SORCS3: variants seen among roughly 807,000 people sequenced by gnomAD.
SORCS3 encodes sortilin related VPS10 domain containing receptor 3.
A neutral mutation model predicts 146.3 loss-of-function variants in SORCS3; 57 were observed. That is an observed-to-expected ratio of 0.39 (90% CI 0.31 to 0.49). The LOEUF is 0.49. SORCS3 is among the 20% of genes least tolerant of loss of function. The pLI, the probability that SORCS3 is intolerant of heterozygous loss-of-function variation, is 0.92. For synonymous variants in SORCS3, 653 were observed against 618.5 expected (o/e 1.06, Z -0.83); for missense variants, 1,341 against 1,575.5 (o/e 0.85, Z 2.52).
intron 15 of SORCS3, 86 bp from the exon 16 acceptor site, chr10:105,201,032 GAA>G: frequency 1.4e-6 from 2 of 1,432,546 alleles, no homozygotes; most frequent in Non-Finnish European, 9.5e-7. Flanking sequence ...AAATGAGAAT[GAA>G]CAGGCTAATG....
chr10:104,732,839 T>C (rs1034977899), intron 1 of SORCS3, among the ~76,000 whole-genome samples: 1 of 151,994 alleles, frequency 6.6e-6, no homozygotes. Flanking sequence ...TAGCCTGGTG[T>C]ATGTAGAATG....
rs1226791300 is a variant in SORCS3 at position 105,242,861 on chromosome 10, ATATATTTTTATATATAAATTATAT to A, written c.2869-2680_2869-2657del. On this transcript the variant is annotated intron_variant, in intron 20 of 26. Coordinates refer to ENST00000369701, the MANE Select transcript of SORCS3 (RefSeq NM_014978.3). ...ATATATTTTTATATATAAATTATAT[ATATATTTTTATATATAAATTATAT>A]ATAATATATGATATATAAATTATAT... Among the ~76,000 whole-genome samples, 5 of 103,576 alleles carry A rather than the reference ATATATTTTTATATATAAATTATAT, an allele frequency of 4.8e-5. No individual in the cohort carries two copies. The East Asian group carries it at 1.3e-3, about 27-fold the overall frequency. 67.9% of individuals were successfully genotyped at this position (103,576 alleles called of 152,430 possible).
At position 104,918,639 on chromosome 10, in the gene SORCS3, C is replaced by A. The variant is rs540046663; in HGVS notation, c.795+2707C>A. Among the ~76,000 whole-genome samples, 100 of 152,278 alleles carry A rather than the reference C, an allele frequency of 6.6e-4. No individual in the cohort carries two copies. The Middle Eastern group carries it at 0.01, about 16-fold the overall frequency. ...CCCAGCCAACTCAACAGGTTAGGAG[C>A]AGCCTTGTCAGTTGGTCTGATGACT... On this transcript the variant is annotated intron_variant, in intron 3 of 26. Transcript: ENST00000369701.
At chr10:104,965,959 A>G (rs1360579621) in intron 3 of SORCS3, among the ~76,000 whole-genome samples, 1 of 152,080 alleles carries the variant, frequency 6.6e-6, no homozygotes, top group Non-Finnish European at 1.5e-5. Flanking sequence ...CATAGGTGAG[A>G]CAGGATATGT....
At chr10:104,823,725 T>C (rs1395304051) in intron 1 of SORCS3, among the ~76,000 whole-genome samples, 1 of 152,182 alleles carries the variant, frequency 6.6e-6, no homozygotes. Flanking sequence ...AATAGTGGCC[T>C]CCCAAAGATA....
chr10:105,106,476 A>G (rs529450279), intron 7 of SORCS3, among the ~76,000 whole-genome samples: 5 of 152,278 alleles, frequency 3.3e-5, no homozygotes, highest in South Asian at 2.1e-4. Context: ...CAGGCTATCA[A>G]TGGATTTGTC....
chr10:104,839,867 A>G (rs1020584782), intron 1 of SORCS3, among the ~76,000 whole-genome samples: 22 of 152,186 alleles, frequency 1.4e-4, no homozygotes, highest in African/African-American at 5.3e-4. Context: ...TAAGATGGAC[A>G]TCTGACCCCC....
rs963408225 is a variant in SORCS3, at chr10:104,898,350, G to A, written c.696-17483G>A. ...AGTTATAGGCACTGCATGAATATTT[G>A]GAAAATGAATGAAGAATAGGGACTC... On this transcript the variant is annotated intron_variant, in intron 2 of 26. Coordinates refer to ENST00000369701, the MANE Select transcript of SORCS3 (RefSeq NM_014978.3). 4.6e-5 allele frequency among the ~76,000 whole-genome samples: 7 copies of A among 152,274 alleles called. No homozygotes were observed. In the Middle Eastern group the frequency reaches 0.01, roughly 222 times the overall value.
intron 14 of SORCS3, among the ~76,000 whole-genome samples, chr10:105,197,777 A>G (rs564060743): frequency 6.6e-6 from 1 of 152,274 alleles, no homozygotes; most frequent in Non-Finnish European, 1.5e-5. Context: ...ACCTTATTAA[A>G]TTAAGCCTGT....
At chr10:104,914,558 C>T (rs2019005113) in intron 2 of SORCS3, among the ~76,000 whole-genome samples, 1 of 152,116 alleles carries the variant, frequency 6.6e-6, no homozygotes, top group Non-Finnish European at 1.5e-5. Context: ...ATTTGAGGCA[C>T]AAGCCATCGG....
chr10:105,003,209 T>C (rs1403959832), intron 4 of SORCS3, among the ~76,000 whole-genome samples: 1 of 152,214 alleles, frequency 6.6e-6, no homozygotes, highest in African/African-American at 2.4e-5. Context: ...GAGTGAAAGC[T>C]GAGGAAATGT....
intron 1 of SORCS3, among the ~76,000 whole-genome samples, chr10:104,823,061 G>A (rs980789475): frequency 7.2e-5 from 11 of 152,168 alleles, no homozygotes; most frequent in Non-Finnish European, 1.3e-4. Context: ...AGACATGGGG[G>A]TGAGGCTAGG....
intron 13 of SORCS3, among the ~76,000 whole-genome samples, chr10:105,177,785 G>A (rs1287719239): frequency 3.3e-5 from 5 of 152,002 alleles, no homozygotes; most frequent in Non-Finnish European, 4.4e-5. Flanking sequence ...TACTTGAAAC[G>A]TGACATTCCA....
chr10:104,673,194 T>C (rs905557127), intron 1 of SORCS3, among the ~76,000 whole-genome samples: 18 of 152,194 alleles, frequency 1.2e-4, no homozygotes, highest in Admixed American at 3.3e-4. Flanking sequence ...GATCATGTTT[T>C]AACAATCCAT....
chr10:104,793,483 G>T (rs957707096), intron 1 of SORCS3, among the ~76,000 whole-genome samples: 1 of 152,174 alleles, frequency 6.6e-6, no homozygotes, highest in Non-Finnish European at 1.5e-5. Context: ...GAGAAGGAAA[G>T]AATAAGTTGA....
chr10:105,056,336 C>G (rs931524219), intron 5 of SORCS3, among the ~76,000 whole-genome samples: 1 of 152,176 alleles, frequency 6.6e-6, no homozygotes, highest in Non-Finnish European at 1.5e-5. Context: ...CTGCACCCCT[C>G]TAGTTGTGCA....
chr10:104,838,807 AT>A (rs1287272622), intron 1 of SORCS3, among the ~76,000 whole-genome samples: 2 of 151,868 alleles, frequency 1.3e-5, no homozygotes, highest in Admixed American at 6.6e-5. Flanking sequence ...GCCACAGAAG[AT>A]TTTCGAATCC....
intron 2 of SORCS3, among the ~76,000 whole-genome samples, chr10:104,895,945 A>G (rs2018793680): frequency 6.6e-6 from 1 of 152,244 alleles, no homozygotes. Flanking sequence ...TCCAATGGGA[A>G]TAAATAGAAA....
At chr10:104,827,818 T>C (rs1018384486) in intron 1 of SORCS3, among the ~76,000 whole-genome samples, 1 of 152,254 alleles carries the variant, frequency 6.6e-6, no homozygotes, top group African/African-American at 2.4e-5. Flanking sequence ...GTAGATCTTC[T>C]GAAAACTTGC....
Sources: allele counts gnomAD v4.1 joint callset (sites outside exome capture counted in the v4.1 genomes callset), GRCh38; gene constraint gnomAD v4.1.1; transcripts MANE v1.5; gene names NCBI Gene and HGNC (gene_info 2026-07-23, HGNC 2026-07-21).